Variants in NRXN1 observed in about 807,000 individuals in gnomAD.
The protein encoded by NRXN1 is neurexin 1, also known as neurexin-1.
A neutral mutation model predicts 150.9 loss-of-function variants in NRXN1; 39 were observed. The ratio of observed to expected loss-of-function variants is 0.26; its 90% confidence interval spans 0.20 to 0.34. NRXN1 has a LOEUF of 0.34. NRXN1 is among the 10% of genes least tolerant of loss of function. The pLI, the probability that NRXN1 is intolerant of heterozygous loss-of-function variation, is 1.00. For missense variants in NRXN1, 1,815 were observed against 1,949.9 expected, an observed-to-expected ratio of 0.93 and a Z score of 1.30; for synonymous variants, 924 against 757.0, an observed-to-expected ratio of 1.22 and a Z score of -3.62.
chr2:50,193,276 GGCT>G (rs1474444594), intron 18 of NRXN1, among the ~76,000 whole-genome samples: 4 of 152,018 alleles, frequency 2.6e-5, no homozygotes, highest in Non-Finnish European at 4.4e-5. Context: ...CAAAAATAAA[GGCT>G]TCAATATCAT....
At chr2:50,246,930 T>A (rs548058141) in intron 17 of NRXN1, among the ~76,000 whole-genome samples, 2 of 152,086 alleles carry the variant, frequency 1.3e-5, no homozygotes, top group African/African-American at 2.4e-5. Flanking sequence ...TTATAAAAAA[T>A]TATGTGCTTT....
chr2:50,725,768 C>T (rs1042604495), intron 5 of NRXN1, among the ~76,000 whole-genome samples: 22 of 152,086 alleles, frequency 1.4e-4, no homozygotes, highest in Admixed American at 1.2e-3. Flanking sequence ...TTTATTTTTT[C>T]AGCTTTGTAA....
chr2:50,645,732 T>C (rs1410948019), intron 5 of NRXN1, among the ~76,000 whole-genome samples: 6 of 151,978 alleles, frequency 3.9e-5, no homozygotes, highest in Non-Finnish European at 8.8e-5. Context: ...TGAAATTTTA[T>C]ATTATTATTA....
At chr2:50,636,879 A>C (rs1416744628) in intron 5 of NRXN1, among the ~76,000 whole-genome samples, 5 of 152,198 alleles carry the variant, frequency 3.3e-5, no homozygotes, top group Non-Finnish European at 1.5e-5. Context: ...ATAATTGCAA[A>C]TATACGCATA....
At chr2:50,957,947 T>G (rs1692531138) in intron 2 of NRXN1, among the ~76,000 whole-genome samples, 1 of 152,134 alleles carries the variant, frequency 6.6e-6, no homozygotes, top group Admixed American at 6.6e-5. Flanking sequence ...AAGGGATCAT[T>G]CAAGAGTTAG....
At position 51,028,456 on chromosome 2, in the gene NRXN1, C is replaced by T. The variant is rs1670981783; in HGVS notation, c.-183G>A. On this transcript the variant is annotated 5_prime_UTR_variant, in exon 2 of 23. Coordinates refer to ENST00000401669, the MANE Select transcript of NRXN1 (RefSeq NM_001330078.2). ...TTCTTCTTCTTCCAATAACCCCGCCCTCTCTCCCTGTAGTCCTCTTCCAAC... is the reference window on the plus strand; with the variant it reads ...TTCTTCTTCTTCCAATAACCCCGCCTTCTCTCCCTGTAGTCCTCTTCCAAC... The T allele has an allele frequency of 2.2e-6, 1 of 459,952 alleles. No homozygotes were observed. Among genetic ancestry groups the T allele is most frequent in the Admixed American group, 3.8e-5 (1 of 26,402 alleles). 28.5% of individuals were successfully genotyped at this position (459,952 alleles called of 1,614,324 possible). A position where few individuals can be genotyped will look rare whatever the true frequency, so the allele number is the denominator to read the frequency against.
intron 5 of NRXN1, among the ~76,000 whole-genome samples, chr2:50,837,314 C>G (rs1420288691): frequency 6.6e-6 from 1 of 152,082 alleles, no homozygotes; most frequent in African/African-American, 2.4e-5. Context: ...CAATCGTTTA[C>G]TAGTTCCAAA....
intron 2 of NRXN1, among the ~76,000 whole-genome samples, chr2:50,996,687 T>A (rs2105043208): frequency 6.6e-6 from 1 of 152,044 alleles, no homozygotes; most frequent in South Asian, 2.1e-4. Context: ...ATTACATAAA[T>A]GGGGGAGATA....
At chr2:50,834,139 C>A (rs995838934) in intron 5 of NRXN1, among the ~76,000 whole-genome samples, 1 of 152,084 alleles carries the variant, frequency 6.6e-6, no homozygotes, top group Non-Finnish European at 1.5e-5. Flanking sequence ...TCACTGACTA[C>A]CCAGCTGGGC....
chr2:50,694,031 G>T (rs185465952), intron 5 of NRXN1, among the ~76,000 whole-genome samples: 1 of 152,098 alleles, frequency 6.6e-6, no homozygotes, highest in East Asian at 1.9e-4. Flanking sequence ...GGCCTCAAGG[G>T]ATTCTCTTGC....
intron 5 of NRXN1, among the ~76,000 whole-genome samples, chr2:50,787,747 C>A (rs1455197095): frequency 6.6e-6 from 1 of 151,346 alleles, no homozygotes; most frequent in Admixed American, 6.6e-5. Context: ...TATAACAACC[C>A]TGAAAAGACC....
chr2:50,412,180 G>T (rs1388980673), intron 17 of NRXN1, among the ~76,000 whole-genome samples: 1 of 151,808 alleles, frequency 6.6e-6, no homozygotes, highest in African/African-American at 2.4e-5. Context: ...ACTGCAGAAG[G>T]CGGCAGGGCC....
chr2:49,951,823 T>A (rs1674018922), intron 21 of NRXN1, among the ~76,000 whole-genome samples: 2 of 151,910 alleles, frequency 1.3e-5, no homozygotes, highest in Admixed American at 1.3e-4. Context: ...GATTAATTAG[T>A]CACACACATT....
intron 5 of NRXN1, among the ~76,000 whole-genome samples, chr2:50,709,746 C>T (rs1450708874): frequency 6.6e-6 from 1 of 152,072 alleles, no homozygotes; most frequent in Non-Finnish European, 1.5e-5. Flanking sequence ...TTGTTCTATG[C>T]TTAAGGAATG....
At chr2:50,687,552 G>A (rs891859232) in intron 5 of NRXN1, among the ~76,000 whole-genome samples, 1 of 152,024 alleles carries the variant, frequency 6.6e-6, no homozygotes, top group African/African-American at 2.4e-5. Context: ...CTAATCTGTC[G>A]TGGGCTGGGA....
At chr2:50,341,477 T>C (rs115870914) in intron 17 of NRXN1, among the ~76,000 whole-genome samples, 3,383 of 152,294 alleles carry the variant, frequency 0.022, 60 homozygotes, top group Non-Finnish European at 0.034. Flanking sequence ...TCTTCACTTA[T>C]TGTATTTTCA....
At chr2:50,523,097 G>A (rs2092841824) in intron 12 of NRXN1, among the ~76,000 whole-genome samples, 1 of 151,628 alleles carries the variant, frequency 6.6e-6, no homozygotes. Context: ...GTTTTTATTT[G>A]TTTTCTGTCA....
At chr2:50,631,189 A>G (rs1212376453) in intron 5 of NRXN1, 2 of 410,664 alleles carry the variant, frequency 4.9e-6, no homozygotes, top group Non-Finnish European at 9.6e-6. Context: ...TTTTCAACAT[A>G]TGTAAATTCT....
intron 5 of NRXN1, among the ~76,000 whole-genome samples, chr2:50,728,747 AC>A (rs1255914240): frequency 3.3e-5 from 5 of 152,160 alleles, no homozygotes; most frequent in Non-Finnish European, 7.4e-5. Context: ...AACACTGATT[AC>A]CCACTTTAGT....
Sources: allele counts gnomAD v4.1 joint callset (sites outside exome capture counted in the v4.1 genomes callset), GRCh38; gene constraint gnomAD v4.1.1; transcripts MANE v1.5; gene names NCBI Gene and HGNC (gene_info 2026-07-23, HGNC 2026-07-21).